Variants in RAB11FIP4 observed in about 807,000 individuals in gnomAD.
RAB11FIP4 encodes RAB11 family interacting protein 4.
A neutral mutation model predicts 74.3 loss-of-function variants in RAB11FIP4; 23 were observed. That is an observed-to-expected ratio of 0.31 (90% confidence interval 0.22 to 0.44). The LOEUF is 0.44. RAB11FIP4 is among the 20% of genes least tolerant of loss of function. The probability of loss-of-function intolerance (pLI) is 1.00; values close to 1 mark genes in which losing one functional copy is unlikely to be tolerated. For synonymous variants in RAB11FIP4, 360 were observed against 359.9 expected (o/e 1.00, Z 0.00); for missense variants, 630 against 863.9 (o/e 0.73, Z 3.39).
In RAB11FIP4 at chr17:31,423,135, G is replaced by C. The variant is rs1220254081; in HGVS notation, c.160-8678G>C. Among the ~76,000 whole-genome samples, 7 of 152,060 alleles carry C rather than the reference G, an allele frequency of 4.6e-5. No homozygotes were observed. In the East Asian group the frequency reaches 1.4e-3, roughly 29 times the overall value. ...GGGGTTTCACCATGTTAGCCAGGAT[G>C]GTCTCTATCTCCTGACCTCGTGATC... On this transcript the variant is annotated intron_variant, in intron 1 of 14. Transcript: ENST00000621161.
intron 3 of RAB11FIP4, among the ~76,000 whole-genome samples, chr17:31,494,136 C>T (rs1205564749): frequency 4.6e-5 from 7 of 152,078 alleles, no homozygotes; most frequent in East Asian, 1.9e-4. Context: ...CACTCGTGGA[C>T]GGTTAGATGG....
chr17:31,530,404 C>T lies in RAB11FIP4; in HGVS notation c.1732C>T (p.Leu578Phe). Residue 578 changes from leucine to phenylalanine, a missense_variant, in exon 14 of 15, where the codon CTC becomes TTC. By Grantham distance (22) the Leu-to-Phe change is conservative. Coordinates refer to ENST00000621161, the MANE Select transcript of RAB11FIP4 (RefSeq NM_032932.6). ...CCTCAGCCTCTACGAAGCAAAAAACCTCTTTGCTGCCCAGACTAAAGCCCA... is the reference window on the plus strand; with the variant it reads ...CCTCAGCCTCTACGAAGCAAAAAACTTCTTTGCTGCCCAGACTAAAGCCCA... ...LSLSLYEAKN[L>F]FAAQTKAQSL... 1 of 1,614,152 alleles carries T rather than the reference C, an allele frequency of 6.2e-7. No homozygotes were observed. Among genetic ancestry groups the T allele is most frequent in the Non-Finnish European group, 8.5e-7 (1 of 1,180,022 alleles).
intron 3 of RAB11FIP4, among the ~76,000 whole-genome samples, chr17:31,469,631 CAAAA>C (rs11414143): frequency 8.7e-5 from 8 of 91,700 alleles, no homozygotes; most frequent in African/African-American, 1.8e-4. Flanking sequence ...GACCCTCTCT[CAAAA>C]AAAAAAAAAA....
At chr17:31,503,075 C>T (rs1426556571) in intron 3 of RAB11FIP4, among the ~76,000 whole-genome samples, 1 of 152,084 alleles carries the variant, frequency 6.6e-6, no homozygotes, top group South Asian at 2.1e-4. Context: ...CTCTGTTGCC[C>T]AGGCTGGAGT....
chr17:31,416,355 A>G (rs1260360572), intron 1 of RAB11FIP4, among the ~76,000 whole-genome samples: 1 of 152,160 alleles, frequency 6.6e-6, no homozygotes, highest in Non-Finnish European at 1.5e-5. Context: ...TGGGAGCAAG[A>G]CAGTGGGATG....
At chr17:31,456,681 C>T (rs1052528404) in intron 3 of RAB11FIP4, among the ~76,000 whole-genome samples, 1 of 152,164 alleles carries the variant, frequency 6.6e-6, no homozygotes, top group Non-Finnish European at 1.5e-5. Context: ...TAAAATCTGC[C>T]TTTCCATTTA....
chr17:31,428,315 C>G (rs910165508), intron 1 of RAB11FIP4, among the ~76,000 whole-genome samples: 1 of 152,198 alleles, frequency 6.6e-6, no homozygotes, highest in African/African-American at 2.4e-5. Context: ...ATAGATGAAT[C>G]CCCAACGTGG....
chr17:31,523,313 C>T (rs137921876), intron 7 of RAB11FIP4, 199 bp from the exon 8 acceptor site: 119 of 615,310 alleles, frequency 1.9e-4, no homozygotes, highest in African/African-American at 1.9e-3. Context: ...CCCCGGGGGT[C>T]TGTACAGCCC....
At chr17:31,526,161 G>A (rs1442094918) in intron 10 of RAB11FIP4, 3 of 152,262 alleles carry the variant, frequency 2.0e-5, no homozygotes, top group Admixed American at 2.0e-4. Context: ...AGAAGCTGCT[G>A]TTTTGCATCT....
At chr17:31,460,232 A>G (rs1416485109) in intron 3 of RAB11FIP4, among the ~76,000 whole-genome samples, 3 of 152,214 alleles carry the variant, frequency 2.0e-5, no homozygotes, top group Non-Finnish European at 4.4e-5. Context: ...TTTAAAAAAT[A>G]AAGTGCTTTT....
At chr17:31,439,370 A>G (rs1324271570) in intron 3 of RAB11FIP4, among the ~76,000 whole-genome samples, 4 of 152,178 alleles carry the variant, frequency 2.6e-5, no homozygotes, top group African/African-American at 7.2e-5. Context: ...GCCTTCGCCA[A>G]CCCCGGAAGC....
chr17:31,487,426 G>C (rs190462614), intron 3 of RAB11FIP4, among the ~76,000 whole-genome samples: 378 of 151,808 alleles, frequency 2.5e-3, no homozygotes, highest in African/African-American at 8.3e-3. Context: ...GACATAAATA[G>C]TATTTACTAG....
intron 1 of RAB11FIP4, among the ~76,000 whole-genome samples, chr17:31,410,660 G>T (rs178841): frequency 0.18 from 27,270 of 152,086 alleles, 2,491 homozygotes; most frequent in Middle Eastern, 0.22. Context: ...GGAGGGGCTG[G>T]GACTGCTGTG....
chr17:31,519,207 G>T (rs1205778021), intron 4 of RAB11FIP4, among the ~76,000 whole-genome samples: 1 of 151,760 alleles, frequency 6.6e-6, no homozygotes, highest in Non-Finnish European at 1.5e-5. Flanking sequence ...GTAGAGATGG[G>T]GTTTCACCAT....
chr17:31,444,634 A>G (rs907289313), intron 3 of RAB11FIP4, among the ~76,000 whole-genome samples: 2 of 152,126 alleles, frequency 1.3e-5, no homozygotes, highest in African/African-American at 4.8e-5. Context: ...CCTCCTGCCT[A>G]ACCCAACCCT....
intron 1 of RAB11FIP4, among the ~76,000 whole-genome samples, chr17:31,423,094 C>T (rs577744611): frequency 2.6e-5 from 4 of 152,014 alleles, no homozygotes; most frequent in South Asian, 2.1e-4. Flanking sequence ...TAATTTTTTG[C>T]ATTTTTAGTA....
intron 3 of RAB11FIP4, chr17:31,501,815 C>T (rs566584336): frequency 1.1e-4 from 19 of 174,110 alleles, no homozygotes; most frequent in Non-Finnish European, 1.7e-4. Context: ...GCCCATCCCA[C>T]GCAATTTATT....
intron 9 of RAB11FIP4, 76 bp downstream of exon 9, chr17:31,524,072 C>T: frequency 4.9e-6 from 5 of 1,019,102 alleles, no homozygotes; most frequent in Non-Finnish European, 7.5e-6. Flanking sequence ...CTAAGACCTC[C>T]AGGAGGAGGC....
Position 31,528,681 on chromosome 17 carries a change from G to A in RAB11FIP4, c.1556G>A (p.Arg519Gln), listed in dbSNP as rs752341931. 19 of 1,612,694 alleles carry A rather than the reference G, an allele frequency of 1.2e-5. No homozygotes were observed. The South Asian group carries it at 1.4e-4, about 12-fold the overall frequency. ...CAGATGTACAAGCTGGACTGCGAGCGGCCAGGCAGGGGCCGCAGTGCCTCC... is the reference window on the plus strand; with the variant it reads ...CAGATGTACAAGCTGGACTGCGAGCAGCCAGGCAGGGGCCGCAGTGCCTCC... ...HLQMYKLDCE[R>Q]PGRGRSASSG... The change falls in exon 13 of 15, where the codon CGG (arginine) becomes CAG (glutamine). Residue 519 changes from arginine to glutamine, a missense_variant. Transcript: ENST00000621161.
Sources: allele counts gnomAD v4.1 joint callset (sites outside exome capture counted in the v4.1 genomes callset), GRCh38; gene constraint gnomAD v4.1.1; transcripts MANE v1.5; gene names NCBI Gene and HGNC (gene_info 2026-07-23, HGNC 2026-07-21).